Variants in ENAH observed in about 807,000 individuals in gnomAD.
ENAH encodes ENAH actin regulator.
Under a neutral mutation model 78.7 loss-of-function variants are expected in ENAH, and 23 were observed. The ratio of observed to expected loss-of-function variants is 0.29; its 90% confidence interval spans 0.21 to 0.41. The LOEUF (loss-of-function observed/expected upper bound fraction) is 0.41, where lower values mean the gene tolerates loss of function less well. ENAH is among the 10% of genes least tolerant of loss of function. The pLI is 1.00. For synonymous variants in ENAH, 226 were observed against 241.0 expected, an observed-to-expected ratio of 0.94 and a Z score of 0.58; for missense variants, 544 against 691.0, an observed-to-expected ratio of 0.79 and a Z score of 2.39.
chr1:225,609,590 A>G (rs1011042838), intron 1 of ENAH, among the ~76,000 whole-genome samples: 7 of 152,134 alleles, frequency 4.6e-5, no homozygotes, highest in African/African-American at 1.7e-4. Flanking sequence ...AAAACTACCA[A>G]AGAAATATGT....
chr1:225,625,696 TAG>T (rs1177678066), intron 1 of ENAH, among the ~76,000 whole-genome samples: 1 of 152,146 alleles, frequency 6.6e-6, no homozygotes, highest in African/African-American at 2.4e-5. Flanking sequence ...TTTGTATTTT[TAG>T]AGAGACAGGG....
At chr1:225,637,837 G>A (rs961719178) in intron 1 of ENAH, among the ~76,000 whole-genome samples, 1 of 152,132 alleles carries the variant, frequency 6.6e-6, no homozygotes, top group Non-Finnish European at 1.5e-5. Context: ...GTGCAAGGAT[G>A]GCTTGAGCCC....
Position 225,652,878 on chromosome 1 carries a change from G to A in ENAH, c.-188C>T. 1 of 409,106 alleles carries A rather than the reference G, an allele frequency of 2.4e-6. No individual in the cohort carries two copies. The highest frequency in any genetic ancestry group is 4.2e-6 in the Non-Finnish European group (1 of 236,442). 25.3% of individuals were successfully genotyped at this position (409,106 alleles called of 1,614,324 possible). ...AGCCGAGGCGCCGGCCGGGAGTGTG[G>A]GAGAAGAGGGCGAGAGAAAGGCTGG... On this transcript the variant is annotated 5_prime_UTR_variant, in exon 1 of 14. Transcript: ENST00000366843.
Position 225,507,975 on chromosome 1 carries a change from C to A in ENAH, c.1514G>T (p.Gly505Val). ...KPWERTNTMN[G>V]SKSPVISRPK... ...CCTGGAGATAACAGGTGACTTGCTG[C>A]CATTCATTGTATTTGTTCTTTCCCA... is the stretch of plus-strand genomic sequence containing the variant. The change falls in exon 11 of 14, where the codon GGC (glycine) becomes GTC (valine). Residue 505 changes from glycine to valine, a missense_variant. Transcript: ENST00000366843. The A allele has an allele frequency of 6.4e-7, 1 of 1,558,800 alleles. No homozygotes were observed. Among genetic ancestry groups the A allele is most frequent in the South Asian group, 1.3e-5 (1 of 79,128 alleles).
At chr1:225,607,569 C>T (rs1387574620) in intron 1 of ENAH, among the ~76,000 whole-genome samples, 1 of 150,700 alleles carries the variant, frequency 6.6e-6, no homozygotes, top group Non-Finnish European at 1.5e-5. Flanking sequence ...AGCCATTCAT[C>T]GAAATCCCAG....
intron 3 of ENAH, among the ~76,000 whole-genome samples, chr1:225,548,143 T>A (rs1168651556): frequency 6.6e-6 from 1 of 151,516 alleles, no homozygotes; most frequent in Admixed American, 6.6e-5. Flanking sequence ...AAAGCAGATG[T>A]TGGAGAAAAT....
intron 4 of ENAH, chr1:225,524,728 T>C: frequency 1.1e-6 from 1 of 878,316 alleles, no homozygotes; most frequent in Non-Finnish European, 1.4e-6. Flanking sequence ...CTTTTATAAC[T>C]TTCAGATAGT....
intron 3 of ENAH, among the ~76,000 whole-genome samples, chr1:225,544,076 C>T (rs765659608): frequency 3.9e-5 from 6 of 152,144 alleles, no homozygotes; most frequent in Non-Finnish European, 8.8e-5. Context: ...ATGGTCTCAT[C>T]AGAGTGGAAG....
chr1:225,627,649 T>C (rs1475612533), intron 1 of ENAH, among the ~76,000 whole-genome samples: 2 of 152,218 alleles, frequency 1.3e-5, no homozygotes, highest in Non-Finnish European at 2.9e-5. Context: ...TTTCCATACT[T>C]AATACTAAAT....
At chr1:225,628,767 C>T (rs1048802492) in intron 1 of ENAH, among the ~76,000 whole-genome samples, 62 of 151,564 alleles carry the variant, frequency 4.1e-4, no homozygotes, top group Non-Finnish European at 1.0e-4. Flanking sequence ...AATAGCCGGG[C>T]GTGGTGGTGC....
chr1:225,579,894 C>A (rs530934423), intron 1 of ENAH, among the ~76,000 whole-genome samples: 2 of 152,096 alleles, frequency 1.3e-5, no homozygotes, highest in South Asian at 2.1e-4. Flanking sequence ...AGAAAAAGAA[C>A]CTTTCAATGT....
In ENAH at chr1:225,519,338, C is replaced by T. The variant is rs1195830663; in HGVS notation, c.662G>A (p.Arg221His). ...ERQERLERQE[R>H]LDRERQERQE... ...TCTTTCTTGCCTCTCCCGATCCAGG[C>T]GTTCCTGCCGCTCCAGGCGTTCCTG... The change falls in exon 5 of 14, where the codon CGC becomes CAC. Residue 221 changes from arginine to histidine, a missense_variant. By Grantham distance (29) the Arg-to-His change is conservative. Transcript: ENST00000366843. 11 of 1,480,346 alleles carry T rather than the reference C, an allele frequency of 7.4e-6. No homozygotes were observed. The highest frequency in any genetic ancestry group is 3.0e-5 in the African/African-American group (2 of 66,984). The allele number at this position is 1,480,346 out of a possible 1,614,324, so 91.7% of individuals were successfully genotyped here. A position where few individuals can be genotyped will look rare whatever the true frequency, so the allele number is the denominator to read the frequency against.
intron 1 of ENAH, among the ~76,000 whole-genome samples, chr1:225,600,233 C>G (rs1002876908): frequency 1.3e-5 from 2 of 152,074 alleles, no homozygotes; most frequent in African/African-American, 4.8e-5. Flanking sequence ...TCAACACACA[C>G]GTAGAAAATG....
chr1:225,642,722 T>G (rs150617071), intron 1 of ENAH, among the ~76,000 whole-genome samples: 1 of 152,162 alleles, frequency 6.6e-6, no homozygotes, highest in Non-Finnish European at 1.5e-5. Flanking sequence ...ATATGCACTA[T>G]GAAGAGTTAA....
chr1:225,626,577 G>C (rs1657992079), intron 1 of ENAH, among the ~76,000 whole-genome samples: 1 of 152,186 alleles, frequency 6.6e-6, no homozygotes, highest in Admixed American at 6.5e-5. Context: ...ACCAAACACT[G>C]AATCTCTTGG....
intron 10 of ENAH, among the ~76,000 whole-genome samples, chr1:225,510,888 C>T (rs1046993888): frequency 6.6e-5 from 10 of 151,568 alleles, no homozygotes; most frequent in African/African-American, 2.4e-4. Context: ...TGCCATGTGC[C>T]TGTGGCCCCA....
At chr1:225,505,084 C>T (rs1045396552) in intron 11 of ENAH, 3 of 1,484,348 alleles carry the variant, frequency 2.0e-6, no homozygotes, top group Non-Finnish European at 2.8e-6. Flanking sequence ...GAAAGGGATA[C>T]ACAATAGAAC....
intron 7 of ENAH, 78 bp downstream of exon 7, chr1:225,514,518 A>G (rs1188156304): frequency 8.9e-7 from 1 of 1,122,084 alleles, no homozygotes; most frequent in African/African-American, 1.6e-5. Context: ...TCATAAAATT[A>G]GAATACAATA....
intron 1 of ENAH, among the ~76,000 whole-genome samples, chr1:225,589,640 AT>A (rs1237680710): frequency 6.6e-6 from 1 of 152,174 alleles, no homozygotes. Flanking sequence ...TTTTATGCGT[AT>A]TATTGTTGCA....
Sources: allele counts gnomAD v4.1 joint callset (sites outside exome capture counted in the v4.1 genomes callset), GRCh38; gene constraint gnomAD v4.1.1; transcripts MANE v1.5; gene names NCBI Gene and HGNC (gene_info 2026-07-23, HGNC 2026-07-21).